Variants in ZCCHC24 observed in about 807,000 individuals in gnomAD.
ZCCHC24 encodes the protein zinc finger CCHC domain-containing protein 24.
In ZCCHC24, 10 loss-of-function variants were observed where a neutral mutation model predicts 26.2. The observed-to-expected ratio is 0.38, with a 90% CI of 0.24 to 0.65. The LOEUF (loss-of-function observed/expected upper bound fraction) is 0.65, where lower values mean the gene tolerates loss of function less well. Ranked by LOEUF, ZCCHC24 falls within the 30% of genes least tolerant of loss-of-function variation. ZCCHC24 has a pLI of 0.54. For synonymous variants in ZCCHC24, 144 were observed against 147.1 expected (o/e 0.98, Z 0.15); for missense variants, 243 against 329.1 (o/e 0.74, Z 2.03).
At chr10:79,386,552 G>T in intron 3 of ZCCHC24, 94 bp from the exon 4 acceptor site, 1 of 946,416 alleles carries the variant, frequency 1.1e-6, no homozygotes. Flanking sequence ...GAGACAGACA[G>T]GTGAGACAGG....
At chr10:79,414,425 A>C (rs758470485) in intron 2 of ZCCHC24, among the ~76,000 whole-genome samples, 30 of 152,306 alleles carry the variant, frequency 2.0e-4, no homozygotes, top group Admixed American at 3.9e-4. Context: ...TCACACTCTT[A>C]AAGTCACAAA....
At chr10:79,399,951 G>A (rs767263001) in intron 2 of ZCCHC24, among the ~76,000 whole-genome samples, 5 of 152,206 alleles carry the variant, frequency 3.3e-5, no homozygotes, top group Non-Finnish European at 7.3e-5. Context: ...GAGAGAACAA[G>A]TATCAGGGAG....
chr10:79,394,740 C>A lies in ZCCHC24; in HGVS notation c.448-300G>T, dbSNP rs190767089. On this transcript the variant is annotated intron_variant, in intron 2 of 3. Coordinates refer to ENST00000372336, the MANE Select transcript of ZCCHC24 (RefSeq NM_153367.4). ...TGGTGGCTGGAAATTACTTCCTTAA[C>A]TCACACGTCATCAAGGGCAGCTGGT... 1.8e-4 allele frequency: 125 copies of A among 713,662 alleles called. No homozygotes were observed. In the African/African-American group the frequency reaches 2.2e-3, roughly 12 times the overall value. The allele number at this position is 713,662 out of a possible 1,614,324, so 44.2% of individuals were successfully genotyped here.
chr10:79,435,616 C>A (rs143506235), intron 1 of ZCCHC24, among the ~76,000 whole-genome samples: 31 of 152,200 alleles, frequency 2.0e-4, no homozygotes, highest in Non-Finnish European at 3.7e-4. Flanking sequence ...TAATTCCAGA[C>A]GAACGCTACC....
intron 2 of ZCCHC24, among the ~76,000 whole-genome samples, chr10:79,431,725 T>A (rs905764696): frequency 6.6e-6 from 1 of 152,180 alleles, no homozygotes; most frequent in African/African-American, 2.4e-5. Context: ...TTCCAGAGTT[T>A]CCAGGATTCC....
chr10:79,389,857 C>G (rs993881626), intron 3 of ZCCHC24, among the ~76,000 whole-genome samples: 4 of 152,042 alleles, frequency 2.6e-5, no homozygotes, highest in African/African-American at 9.7e-5. Flanking sequence ...CTCAAGTGAT[C>G]CACCCACTTT....
rs1856519806 is a variant in ZCCHC24 at position 79,394,532 on chromosome 10, G to T, written c.448-92C>A. 1.0e-5 allele frequency: 16 copies of T among 1,537,208 alleles called. No individual in the cohort carries two copies. In the South Asian group the frequency reaches 1.9e-4, roughly 18 times the overall value. ...CCCTGGCCTCCGCCTCAGTCTTCAT[G>T]TCCTGTGTCCATGTGTGCAGGCACC... On this transcript the variant is annotated intron_variant, in intron 2 of 3. Transcript: ENST00000372336.
At chr10:79,436,829 G>A (rs1159348270) in intron 1 of ZCCHC24, among the ~76,000 whole-genome samples, 2 of 152,224 alleles carry the variant, frequency 1.3e-5, no homozygotes, top group Non-Finnish European at 2.9e-5. Context: ...TGGGGTAAGT[G>A]GAAGCCCCTG....
intron 2 of ZCCHC24, among the ~76,000 whole-genome samples, chr10:79,417,912 C>T (rs1459131081): frequency 6.6e-5 from 10 of 152,154 alleles, no homozygotes; most frequent in Admixed American, 6.5e-4. Context: ...GGTGCCAAGT[C>T]CTCTAACCCA....
rs549467287 is a variant in ZCCHC24 at position 79,386,506 on chromosome 10, G to C, written c.613-48C>G. 115 of 1,456,148 alleles carry C rather than the reference G, an allele frequency of 7.9e-5. 1 individual carries two copies. In the East Asian group the frequency reaches 2.6e-3, roughly 32 times the overall value. The allele number at this position is 1,456,148 out of a possible 1,614,324, so 90.2% of individuals were successfully genotyped here. On this transcript the variant is annotated intron_variant, in intron 3 of 3. Transcript: ENST00000372336. The stretch of plus-strand genomic sequence containing the variant: ...GCCCAGGGGAGTGAGGGGAGAGAAA[G>C]ACAGAAACACAGAGACAGACAGGGA...
At chr10:79,403,521 G>C in intron 2 of ZCCHC24, 2 of 985,476 alleles carry the variant, frequency 2.0e-6, no homozygotes, top group Non-Finnish European at 2.4e-6. Flanking sequence ...GGAGGAAGCA[G>C]GCGGTCAGAG....
chr10:79,414,312 G>A (rs988038275), intron 2 of ZCCHC24, among the ~76,000 whole-genome samples: 1 of 152,240 alleles, frequency 6.6e-6, no homozygotes, highest in Non-Finnish European at 1.5e-5. Context: ...CAGACATGGA[G>A]AATCTTCATT....
chr10:79,415,821 G>A (rs978903626), intron 2 of ZCCHC24, among the ~76,000 whole-genome samples: 2 of 152,218 alleles, frequency 1.3e-5, no homozygotes, highest in Admixed American at 1.3e-4. Context: ...CTGGGCCACA[G>A]CATTTTCTCC....
chr10:79,435,529 C>A (rs1857204119), intron 1 of ZCCHC24, among the ~76,000 whole-genome samples: 1 of 152,234 alleles, frequency 6.6e-6, no homozygotes, highest in Non-Finnish European at 1.5e-5. Flanking sequence ...GAGGCCAGAG[C>A]TTCCCCTCCT....
At chr10:79,389,529 AGTGTGTGTGTGTGTGT>A (rs5786399) in intron 3 of ZCCHC24, among the ~76,000 whole-genome samples, 9 of 146,230 alleles carry the variant, frequency 6.2e-5, no homozygotes, top group Admixed American at 2.7e-4. Flanking sequence ...ACTTTTTCCT[AGTGTGTGTGTGTGTGT>A]GTGTGTGTGT....
intron 2 of ZCCHC24, among the ~76,000 whole-genome samples, chr10:79,404,711 G>C (rs889633940): frequency 3.3e-5 from 5 of 152,212 alleles, no homozygotes; most frequent in African/African-American, 9.7e-5. Context: ...AGTTGGGCCA[G>C]GCAGAATCTC....
At chr10:79,394,700 G>T in intron 2 of ZCCHC24, 1 of 943,820 alleles carries the variant, frequency 1.1e-6, no homozygotes. Context: ...TAGATTTAAG[G>T]GGTAAAGTAC....
intron 2 of ZCCHC24, chr10:79,409,126 C>G (rs1207080069): frequency 1.3e-5 from 2 of 152,236 alleles, no homozygotes; most frequent in African/African-American, 4.8e-5. Context: ...CCCTAAAGAT[C>G]CTTCCAATGC....
intron 3 of ZCCHC24, among the ~76,000 whole-genome samples, chr10:79,386,698 G>T (rs1175435738): frequency 6.6e-6 from 1 of 152,180 alleles, no homozygotes; most frequent in Non-Finnish European, 1.5e-5. Flanking sequence ...CAGCCACGGT[G>T]CCGGGGCCCT....
Sources: allele counts gnomAD v4.1 joint callset (sites outside exome capture counted in the v4.1 genomes callset), GRCh38; gene constraint gnomAD v4.1.1; transcripts MANE v1.5; gene names NCBI Gene and HGNC (gene_info 2026-07-23, HGNC 2026-07-21).